REPS1: variants seen among roughly 807,000 people sequenced by gnomAD.
REPS1 encodes the protein ralBP1-associated Eps domain-containing protein 1.
REPS1 carries 39 observed loss-of-function variants against 100.9 expected under a neutral mutation model. The ratio of observed to expected loss-of-function variants is 0.39; its 90% confidence interval spans 0.30 to 0.50. The LOEUF is 0.50. REPS1 is among the 20% of genes least tolerant of loss of function. The probability of loss-of-function intolerance (pLI) is 0.86; values close to 1 mark genes in which losing one functional copy is unlikely to be tolerated. For missense variants in REPS1, 821 were observed against 968.5 expected (o/e 0.85, Z 2.02); for synonymous variants, 324 against 340.3 (o/e 0.95, Z 0.53).
chr6:138,915,575 C>T (rs910397429), intron 14 of REPS1, among the ~76,000 whole-genome samples: 2 of 151,718 alleles, frequency 1.3e-5, no homozygotes, highest in African/African-American at 2.4e-5. Flanking sequence ...ACCTCAGCCT[C>T]CCGAGTAGCT....
intron 1 of REPS1, among the ~76,000 whole-genome samples, chr6:138,971,471 T>TG (rs1582849492): frequency 6.8e-6 from 1 of 147,804 alleles, no homozygotes; most frequent in African/African-American, 2.6e-5. Flanking sequence ...TTATATTTTA[T>TG]GAAAAAAAAA....
chr6:138,975,425 G>C (rs1193761404), intron 1 of REPS1, among the ~76,000 whole-genome samples: 1 of 152,140 alleles, frequency 6.6e-6, no homozygotes, highest in Non-Finnish European at 1.5e-5. Context: ...ATCAACGAAA[G>C]GTATAAAGCT....
intron 1 of REPS1, among the ~76,000 whole-genome samples, chr6:138,967,186 G>A (rs1295252821): frequency 1.3e-5 from 2 of 152,218 alleles, no homozygotes; most frequent in Non-Finnish European, 2.9e-5. Context: ...AGCCAGATAT[G>A]AGCTCCTCGA....
At chr6:138,918,361 T>A (rs1392039683) in intron 12 of REPS1, among the ~76,000 whole-genome samples, 1 of 152,206 alleles carries the variant, frequency 6.6e-6, no homozygotes, top group Non-Finnish European at 1.5e-5. Context: ...CCATTCTACA[T>A]ATCAGAGAGC....
intron 1 of REPS1, among the ~76,000 whole-genome samples, chr6:138,967,431 T>C (rs1030472002): frequency 5.9e-5 from 9 of 152,334 alleles, no homozygotes; most frequent in African/African-American, 1.7e-4. Context: ...CAAGAAGTTA[T>C]ATTCACATTT....
chr6:138,925,100 C>G (rs1219509710), intron 10 of REPS1, among the ~76,000 whole-genome samples: 1 of 152,056 alleles, frequency 6.6e-6, no homozygotes, highest in Non-Finnish European at 1.5e-5. Flanking sequence ...AATCCCAGCA[C>G]TTTGGGAGGC....
chr6:138,968,111 A>G (rs1784117941), intron 1 of REPS1, among the ~76,000 whole-genome samples: 1 of 152,210 alleles, frequency 6.6e-6, no homozygotes, highest in Non-Finnish European at 1.5e-5. Flanking sequence ...TCACAAGTTG[A>G]GGAGTGTACT....
At chr6:138,970,645 ATGGTGG>A (rs1784293373) in intron 1 of REPS1, among the ~76,000 whole-genome samples, 1 of 152,052 alleles carries the variant, frequency 6.6e-6, no homozygotes, top group Admixed American at 6.6e-5. Flanking sequence ...AAGGCCGGGC[ATGGTGG>A]TGCACACCTG....
chr6:138,954,265 A>T (rs1002398923), intron 1 of REPS1, among the ~76,000 whole-genome samples: 1 of 152,172 alleles, frequency 6.6e-6, no homozygotes, highest in Non-Finnish European at 1.5e-5. Flanking sequence ...CCACTCTAGG[A>T]TGGCTATAGT....
chr6:138,907,296 TTA>T, intron 19 of REPS1, 197 bp downstream of exon 19: 2 of 234,042 alleles, frequency 8.5e-6, no homozygotes, highest in East Asian at 4.6e-5. Context: ...TCGTGTCTCT[TTA>T]AAAAAAAAAA....
chr6:138,986,648 C>T (rs908263069), intron 1 of REPS1, among the ~76,000 whole-genome samples: 2 of 152,210 alleles, frequency 1.3e-5, no homozygotes, highest in Admixed American at 1.3e-4. Context: ...AAGATGAAAG[C>T]TTAAAACCTG....
In REPS1 at chr6:138,903,581, T is replaced by C. The variant is rs1200277550; in HGVS notation, c.*1483A>G. On this transcript the variant is annotated 3_prime_UTR_variant, in exon 20 of 20. Coordinates refer to ENST00000450536, the MANE Select transcript of REPS1 (RefSeq NM_001286611.2). The stretch of plus-strand genomic sequence containing the variant: ...TTTTGACATTGTTAAATTAGAAGGC[T>C]ATTTTTAAAAAGCATATTTTAAAAA... The C allele has an allele frequency of 2.0e-5, 3 of 152,350 alleles. No individual in the cohort carries two copies. Among genetic ancestry groups the C allele is most frequent in the Non-Finnish European group, 4.4e-5 (3 of 68,024 alleles). The allele number at this position is 152,350 out of a possible 1,614,324, so 9.4% of individuals were successfully genotyped here.
At chr6:138,908,951 A>G (rs1407494508) in intron 17 of REPS1, 135 bp from the exon 18 acceptor site, 5 of 767,328 alleles carry the variant, frequency 6.5e-6, no homozygotes, top group Non-Finnish European at 8.1e-6. Context: ...TTAAATCTAT[A>G]TATTTGTGGC....
chr6:138,947,756 T>C, intron 2 of REPS1, 34 bp downstream of exon 2: 1 of 1,458,488 alleles, frequency 6.9e-7, no homozygotes. Context: ...TAGAAGCCTA[T>C]TTTCTTTCGG....
chr6:138,907,468 A>G, intron 19 of REPS1, 27 bp downstream of exon 19: 1 of 1,491,902 alleles, frequency 6.7e-7, no homozygotes, highest in Non-Finnish European at 9.3e-7. Context: ...GATAAGGAAC[A>G]TTATAAAGAT....
chr6:138,911,994 G>A (rs944145697), intron 16 of REPS1, among the ~76,000 whole-genome samples: 4 of 152,108 alleles, frequency 2.6e-5, no homozygotes, highest in Non-Finnish European at 4.4e-5. Flanking sequence ...GAGTGAGTAC[G>A]GTACCCTGTG....
rs140190492 is a variant in REPS1, at chr6:138,930,068, T to C, written c.1166A>G (p.Tyr389Cys). ...AGGAGCTTCAGCAGGAGAGCCTGAA[T>C]AACCTACCTCACCTGGCTGATCCCC... ...DVGDQPGEVGYSGSPAEAPPS... is the reference protein window; with the variant it reads ...DVGDQPGEVGCSGSPAEAPPS... Residue 389 changes from tyrosine (Y) to cysteine (C), a missense_variant, in exon 9 of 20, where the codon TAT (tyrosine) becomes TGT (cysteine). Tyr to Cys is a radical substitution (Grantham distance 194). Transcript: ENST00000450536. 70 of 1,613,526 alleles carry C rather than the reference T, an allele frequency of 4.3e-5. No individual in the cohort carries two copies. The highest frequency in any genetic ancestry group is 6.6e-5 in the South Asian group (6 of 91,046).
intron 1 of REPS1, among the ~76,000 whole-genome samples, chr6:138,955,457 A>AAGTGTGTGTGTGTGTGTGTGTGTGTGT (rs10689184): frequency 2.2e-5 from 2 of 90,720 alleles, no homozygotes; most frequent in Non-Finnish European, 3.9e-5. Flanking sequence ...AAAAAAAAAA[A>AAGTGTGTGTGTGTGTGTGTGTGTGTGT]GTGTGTGTGT....
chr6:138,987,323 G>A (rs1785324545), intron 1 of REPS1, among the ~76,000 whole-genome samples: 1 of 152,194 alleles, frequency 6.6e-6, no homozygotes. Flanking sequence ...CCCCACCACA[G>A]GAGTTCCGTC....
Sources: allele counts gnomAD v4.1 joint callset (sites outside exome capture counted in the v4.1 genomes callset), GRCh38; gene constraint gnomAD v4.1.1; transcripts MANE v1.5; gene names NCBI Gene and HGNC (gene_info 2026-07-23, HGNC 2026-07-21).